The following LYPD6 variants were observed in gnomAD, a reference collection of about 807,000 sequenced individuals.
LYPD6 encodes the protein ly6/PLAUR domain-containing protein 6.
A neutral mutation model predicts 22.7 loss-of-function variants in LYPD6; 15 were observed. That is an observed-to-expected ratio of 0.66 (90% CI 0.44 to 1.02). LYPD6 has a LOEUF of 1.02. LYPD6 is among the 50% of genes least tolerant of loss of function. LYPD6 has a pLI of 0.00. For missense variants in LYPD6, 189 were observed against 208.4 expected, an observed-to-expected ratio of 0.91 and a Z score of 0.57; for synonymous variants, 72 against 77.5, an observed-to-expected ratio of 0.93 and a Z score of 0.37.
rs1323250516 is a variant in LYPD6, at chr2:149,468,682, C to T, written c.255C>T (p.Val85=). 1.2e-6 allele frequency: 2 copies of T among 1,613,472 alleles called. No homozygotes were observed. The highest frequency in any genetic ancestry group is 2.7e-5 in the African/African-American group (2 of 74,868). ...RYCYTQHTME[V]TGNSISVTKR... ...GCTACACTCAGCACACAATGGAAGT[C>T]ACAGGAAACAGTATCTCAGTCACCA... is the stretch of plus-strand genomic sequence containing the variant. Residue 85 remains valine (V), a synonymous_variant, in exon 4 of 5, where the codon GTC becomes GTT. Transcript: ENST00000334166.
chr2:149,385,775 C>T (rs1682168800), intron 1 of LYPD6, among the ~76,000 whole-genome samples: 1 of 152,082 alleles, frequency 6.6e-6, no homozygotes, highest in South Asian at 2.1e-4. Flanking sequence ...GCACATTTGT[C>T]TTTGTGTATA....
At chr2:149,400,441 C>T (rs962312358) in intron 1 of LYPD6, among the ~76,000 whole-genome samples, 1 of 152,076 alleles carries the variant, frequency 6.6e-6, no homozygotes, top group Admixed American at 6.6e-5. Flanking sequence ...GAGTGAATGC[C>T]GCATTGGTGT....
intron 1 of LYPD6, among the ~76,000 whole-genome samples, chr2:149,392,987 C>T (rs1440687606): frequency 6.6e-6 from 1 of 152,172 alleles, no homozygotes; most frequent in Non-Finnish European, 1.5e-5. Context: ...GATCGTGCCA[C>T]TGTGCTCCAG....
chr2:149,330,400 G>A (rs1217353780), upstream of LYPD6: 2 of 150,954 alleles, frequency 1.3e-5, no homozygotes, highest in Admixed American at 6.6e-5. Flanking sequence ...TTCTCCCGGA[G>A]TTGGGCCGCG....
rs1217795616 is a variant in LYPD6 at position 149,473,472 on chromosome 2, C to T, written c.*2622C>T. The T allele has an allele frequency of 6.6e-6, 1 of 152,640 alleles. No individual in the cohort carries two copies. The highest frequency in any genetic ancestry group is 1.5e-5 in the Non-Finnish European group (1 of 68,042). The allele number at this position is 152,640 out of a possible 1,614,324, so 9.5% of individuals were successfully genotyped here. A position where few individuals can be genotyped will look rare whatever the true frequency, so the allele number is the denominator to read the frequency against. On this transcript the variant is annotated 3_prime_UTR_variant, in exon 5 of 5. Coordinates refer to ENST00000334166, the MANE Select transcript of LYPD6 (RefSeq NM_194317.5). Reference sequence around the variant, plus strand: ...CATTACATCTCAATATTGGTAATGGCTTAAGTGTAAAGAGCCATGATGTGT... The same window carrying T: ...CATTACATCTCAATATTGGTAATGGTTTAAGTGTAAAGAGCCATGATGTGT...
chr2:149,427,454 G>C (rs538932504), intron 1 of LYPD6, among the ~76,000 whole-genome samples: 35 of 152,078 alleles, frequency 2.3e-4, no homozygotes, highest in Non-Finnish European at 3.7e-4. Flanking sequence ...TTCCATTCCT[G>C]CCTGGGAGTT....
At chr2:149,463,051 A>G (rs1392005272) in intron 3 of LYPD6, among the ~76,000 whole-genome samples, 1 of 152,100 alleles carries the variant, frequency 6.6e-6, no homozygotes, top group Non-Finnish European at 1.5e-5. Flanking sequence ...GACTTCATCA[A>G]AATTTAAAAC....
chr2:149,378,692 C>T (rs1426541383), intron 1 of LYPD6, among the ~76,000 whole-genome samples: 1 of 152,154 alleles, frequency 6.6e-6, no homozygotes, highest in African/African-American at 2.4e-5. Flanking sequence ...GAGCCAGCCA[C>T]CTTGTGTCTT....
At chr2:149,362,968 G>C (rs1681599124) in intron 1 of LYPD6, among the ~76,000 whole-genome samples, 1 of 152,054 alleles carries the variant, frequency 6.6e-6, no homozygotes, top group Non-Finnish European at 1.5e-5. Context: ...CTTAGATGAG[G>C]GTCAATGATC....
intron 3 of LYPD6, among the ~76,000 whole-genome samples, chr2:149,467,358 G>A (rs1403962850): frequency 6.6e-6 from 1 of 152,198 alleles, no homozygotes; most frequent in African/African-American, 2.4e-5. Context: ...CACTGGGAAA[G>A]TGGCAGCTCT....
At chr2:149,393,199 A>G (rs1352955084) in intron 1 of LYPD6, among the ~76,000 whole-genome samples, 1 of 152,208 alleles carries the variant, frequency 6.6e-6, no homozygotes, top group Non-Finnish European at 1.5e-5. Context: ...TGGTAATTAT[A>G]ATCAGACATC....
At chr2:149,455,858 G>A (rs1271469887) in intron 3 of LYPD6, among the ~76,000 whole-genome samples, 1 of 152,160 alleles carries the variant, frequency 6.6e-6, no homozygotes, top group African/African-American at 2.4e-5. Flanking sequence ...TTTAAAAGAA[G>A]TTCCTCCAGT....
chr2:149,331,936 A>G (rs1389996252), intron 1 of LYPD6, among the ~76,000 whole-genome samples: 2 of 152,040 alleles, frequency 1.3e-5, no homozygotes, highest in Non-Finnish European at 1.5e-5. Context: ...AAGCCATTAC[A>G]TTTTCTTTCG....
chr2:149,454,136 G>T (rs1680898653), intron 3 of LYPD6, among the ~76,000 whole-genome samples: 1 of 152,168 alleles, frequency 6.6e-6, no homozygotes, highest in South Asian at 2.1e-4. Context: ...CTAAGTGAAA[G>T]TCTTAGACAT....
chr2:149,402,723 T>A lies in LYPD6; in HGVS notation c.-71-34915T>A, dbSNP rs183732220. Among the ~76,000 whole-genome samples the A allele has an allele frequency of 8.0e-3, 1,212 of 152,162 alleles. 8 individuals carry two copies. The highest frequency in any genetic ancestry group is 0.011 in the Non-Finnish European group (749 of 67,982). ...TCATGTCCTTAGCCCACTTTTTTTTTATTTTTTTATTTTATTATAATTATA... is the reference window on the plus strand; with the variant it reads ...TCATGTCCTTAGCCCACTTTTTTTTAATTTTTTTATTTTATTATAATTATA... On this transcript the variant is annotated intron_variant, in intron 1 of 4. Coordinates refer to ENST00000334166, the MANE Select transcript of LYPD6 (RefSeq NM_194317.5).
chr2:149,449,293 A>T (rs968692755), intron 3 of LYPD6, 146 bp downstream of exon 3: 5 of 559,836 alleles, frequency 8.9e-6, no homozygotes, highest in African/African-American at 7.6e-5. Flanking sequence ...GTACCACACC[A>T]ATAACTTATC....
At chr2:149,453,275 C>T (rs1411828492) in intron 3 of LYPD6, among the ~76,000 whole-genome samples, 1 of 152,074 alleles carries the variant, frequency 6.6e-6, no homozygotes. Flanking sequence ...TACGTTTGCC[C>T]ATGACTTTTC....
At chr2:149,399,249 T>C (rs1682498984) in intron 1 of LYPD6, among the ~76,000 whole-genome samples, 1 of 152,232 alleles carries the variant, frequency 6.6e-6, no homozygotes, top group Non-Finnish European at 1.5e-5. Flanking sequence ...TTAGTACCTG[T>C]AACTTTGTCA....
At chr2:149,438,120 G>A (rs1054869694) in intron 2 of LYPD6, among the ~76,000 whole-genome samples, 2 of 152,192 alleles carry the variant, frequency 1.3e-5, no homozygotes, top group African/African-American at 4.8e-5. Flanking sequence ...AGCTTTTAAA[G>A]TGAACCACCA....
Sources: allele counts gnomAD v4.1 joint callset (sites outside exome capture counted in the v4.1 genomes callset), GRCh38; gene constraint gnomAD v4.1.1; transcripts MANE v1.5; gene names NCBI Gene and HGNC (gene_info 2026-07-23, HGNC 2026-07-21).